Variants in CALCRL observed in about 807,000 individuals in gnomAD.
The protein encoded by CALCRL is calcitonin gene-related peptide type 1 receptor.
Under a neutral mutation model 60.4 loss-of-function variants are expected in CALCRL, and 27 were observed. That is an observed-to-expected ratio of 0.45 (90% CI 0.33 to 0.62). The LOEUF (loss-of-function observed/expected upper bound fraction) is 0.62. CALCRL is among the 20% of genes least tolerant of loss of function. The pLI, the probability that CALCRL is intolerant of heterozygous loss-of-function variation, is 0.03. For missense variants in CALCRL, 424 were observed against 540.7 expected (o/e 0.78, Z 2.14); for synonymous variants, 190 against 182.6 (o/e 1.04, Z -0.33).
At chr2:187,358,009 A>G (rs937148023) in intron 12 of CALCRL, among the ~76,000 whole-genome samples, 6 of 151,956 alleles carry the variant, frequency 3.9e-5, no homozygotes, top group African/African-American at 1.2e-4. Flanking sequence ...TTGCACTATG[A>G]TCTCTAATAC....
intron 1 of CALCRL, among the ~76,000 whole-genome samples, chr2:187,422,313 G>A (rs1031354967): frequency 3.9e-5 from 6 of 152,142 alleles, no homozygotes; most frequent in African/African-American, 1.4e-4. Flanking sequence ...GTGCCAGCTC[G>A]ATGTCTCTAA....
chr2:187,412,331 A>G (rs573040156), intron 1 of CALCRL, among the ~76,000 whole-genome samples: 2 of 152,310 alleles, frequency 1.3e-5, no homozygotes, highest in Admixed American at 6.5e-5. Context: ...GCCCAAAGAC[A>G]AGAGAAATGA....
intron 1 of CALCRL, among the ~76,000 whole-genome samples, chr2:187,433,941 A>G (rs993551612): frequency 6.6e-6 from 1 of 152,062 alleles, no homozygotes. Context: ...ATTTTTTACA[A>G]TAGGTAGAGA....
At chr2:187,384,369 A>T (rs2105787642) in intron 4 of CALCRL, among the ~76,000 whole-genome samples, 1 of 152,294 alleles carries the variant, frequency 6.6e-6, no homozygotes, top group South Asian at 2.1e-4. Context: ...AAATTGCAAA[A>T]ATCCATATGA....
Position 187,346,357 on chromosome 2 carries a change from G to T in CALCRL, c.1213C>A (p.Gln405Lys). The T allele has an allele frequency of 2.5e-6, 4 of 1,611,980 alleles. No individual in the cohort carries two copies. Among genetic ancestry groups the T allele is most frequent in the Non-Finnish European group, 3.4e-6 (4 of 1,178,780 alleles). The change falls in exon 15 of 15, where the codon CAA becomes AAA. Residue 405 changes from glutamine to lysine, a missense_variant. Gln to Lys is a moderately conservative substitution (Grantham distance 53, BLOSUM62 1). Transcript: ENST00000392370. ...LRRNWNQYKI[Q>K]FGNSFSNSEA... ...GAGTTGGAAAAGCTGTTTCCAAATTGGATTTTGTATTGATTCCAGTTTCTT... is the reference window on the plus strand; with the variant it reads ...GAGTTGGAAAAGCTGTTTCCAAATTTGATTTTGTATTGATTCCAGTTTCTT...
chr2:187,396,039 G>A (rs1260312808), intron 1 of CALCRL, among the ~76,000 whole-genome samples: 2 of 151,574 alleles, frequency 1.3e-5, no homozygotes, highest in Admixed American at 1.3e-4. Flanking sequence ...TGTTGTTGTT[G>A]TTGTTGTTGT....
At chr2:187,414,622 C>T (rs1689518271) in intron 1 of CALCRL, among the ~76,000 whole-genome samples, 1 of 152,106 alleles carries the variant, frequency 6.6e-6, no homozygotes, top group South Asian at 2.1e-4. Context: ...ATCTGACTGG[C>T]ATCCTATTCA....
intron 10 of CALCRL, among the ~76,000 whole-genome samples, chr2:187,359,686 G>C (rs1157870712): frequency 1.3e-5 from 2 of 152,048 alleles, no homozygotes; most frequent in Non-Finnish European, 2.9e-5. Flanking sequence ...CACTATGAGA[G>C]AGATTACTAC....
intron 1 of CALCRL, among the ~76,000 whole-genome samples, chr2:187,396,238 G>A (rs1384921390): frequency 6.6e-6 from 1 of 151,480 alleles, no homozygotes; most frequent in African/African-American, 2.4e-5. Context: ...TTCATATACT[G>A]CCTCTTTTGA....
chr2:187,371,124 G>T (rs570452378), intron 8 of CALCRL, among the ~76,000 whole-genome samples: 1 of 152,082 alleles, frequency 6.6e-6, no homozygotes, highest in South Asian at 2.1e-4. Context: ...CTCCTGCATA[G>T]TCCCAGCTAC....
intron 1 of CALCRL, chr2:187,428,760 G>C (rs1472178887): frequency 6.6e-6 from 1 of 152,186 alleles, no homozygotes; most frequent in East Asian, 1.9e-4. Context: ...GGGCGTGGTG[G>C]TGGGTGCCTG....
chr2:187,385,477 T>C, intron 4 of CALCRL, 68 bp downstream of exon 4: 3 of 783,666 alleles, frequency 3.8e-6, no homozygotes, highest in Non-Finnish European at 6.4e-6. Flanking sequence ...ACTTCATTAA[T>C]ATTCTTTATC....
intron 1 of CALCRL, among the ~76,000 whole-genome samples, chr2:187,433,509 A>C (rs958978042): frequency 3.3e-5 from 5 of 152,112 alleles, no homozygotes; most frequent in Admixed American, 6.6e-5. Flanking sequence ...AAATGGATTA[A>C]TAGGCAAGAA....
chr2:187,444,097 T>C (rs1485722173), intron 1 of CALCRL, among the ~76,000 whole-genome samples: 1 of 151,672 alleles, frequency 6.6e-6, no homozygotes, highest in African/African-American at 2.4e-5. Context: ...AAGTAAATCA[T>C]TGCAATTTAA....
rs936534641 is a variant in CALCRL, at chr2:187,346,531, A to G, written c.1171-132T>C. ...AAAAAAGTTATGTTAATCAGTGAAT[A>G]ATATAGCTTCATTTTCTTAATTTAA... On this transcript the variant is annotated intron_variant, in intron 14 of 14. Transcript: ENST00000392370. 6.7e-6 allele frequency: 4 copies of G among 598,774 alleles called. No individual in the cohort carries two copies. In the East Asian group the frequency reaches 1.1e-4, roughly 17 times the overall value. 37.1% of individuals were successfully genotyped at this position (598,774 alleles called of 1,614,324 possible).
At chr2:187,426,385 A>G (rs1690127128) in intron 1 of CALCRL, among the ~76,000 whole-genome samples, 3 of 152,010 alleles carry the variant, frequency 2.0e-5, no homozygotes, top group Admixed American at 2.0e-4. Flanking sequence ...AATCCTGTCC[A>G]AATGGCGGCA....
rs1475222672 is a variant in CALCRL, at chr2:187,448,153, T to G, written c.-407A>C. On this transcript the variant is annotated 5_prime_UTR_variant, in exon 1 of 15. Transcript: ENST00000392370. ...GCAAGGTGGGAAAGAGTGAAAGCTT[T>G]GCAATGTGATCCTGCAATTAGGATG... 1 of 151,842 alleles carries G rather than the reference T, an allele frequency of 6.6e-6. No individual in the cohort carries two copies. The highest frequency in any genetic ancestry group is 1.9e-4 in the East Asian group (1 of 5,138). The allele number at this position is 151,842 out of a possible 1,614,324, so 9.4% of individuals were successfully genotyped here. A position where few individuals can be genotyped will look rare whatever the true frequency, so the allele number is the denominator to read the frequency against.
intron 1 of CALCRL, among the ~76,000 whole-genome samples, chr2:187,393,758 TA>T (rs943088944): frequency 8.6e-5 from 13 of 152,024 alleles, no homozygotes; most frequent in African/African-American, 2.7e-4. Context: ...TTCTGAGTCA[TA>T]AAAAAAGATC....
chr2:187,353,041 G>C (rs1686604077), intron 12 of CALCRL, among the ~76,000 whole-genome samples: 3 of 151,776 alleles, frequency 2.0e-5, no homozygotes, highest in Non-Finnish European at 1.5e-5. Flanking sequence ...TAGTTTCTTT[G>C]GATGGGAGAC....
Sources: gnomAD v4.1 joint callset for allele counts (sites outside exome capture counted in the v4.1 genomes callset) on GRCh38, gnomAD v4.1.1 for gene constraint, MANE v1.5 for transcripts, NCBI Gene and HGNC (gene_info 2026-07-23, HGNC 2026-07-21) for gene names.